Variants in FRMD3 observed in about 807,000 individuals in gnomAD.
The protein encoded by FRMD3 is FERM domain containing 3, also known as FERM domain-containing protein 3.
In FRMD3, 33 loss-of-function variants were observed where a neutral mutation model predicts 70.2. That is an observed-to-expected ratio of 0.47 (90% CI 0.36 to 0.63). The LOEUF (loss-of-function observed/expected upper bound fraction) is 0.63, where lower values mean the gene tolerates loss of function less well. Among genes scored for constraint, FRMD3 ranks in the 20% least tolerant of loss-of-function variants. FRMD3 has a pLI of 0.00. For missense variants in FRMD3, 632 were observed against 711.4 expected, an observed-to-expected ratio of 0.89 and a Z score of 1.27; for synonymous variants, 279 against 255.9, an observed-to-expected ratio of 1.09 and a Z score of -0.86.
intron 2 of FRMD3, among the ~76,000 whole-genome samples, chr9:83,383,214 C>A (rs1244656726): frequency 1.3e-5 from 2 of 152,220 alleles, no homozygotes; most frequent in African/African-American, 2.4e-5. Context: ...GCTGAGTGAT[C>A]CAGTCAACAC....
chr9:83,347,635 C>A (rs1824006249), intron 4 of FRMD3, among the ~76,000 whole-genome samples: 1 of 152,144 alleles, frequency 6.6e-6, no homozygotes, highest in African/African-American at 2.4e-5. Flanking sequence ...TTTAAATTTG[C>A]CTTTTTCTTA....
rs569434487 is a variant in FRMD3 at position 83,299,144 on chromosome 9, C to A, written c.969G>T (p.Lys323Asn). Residue 323 changes from lysine (K) to asparagine (N), a missense_variant, in exon 11 of 14, where the codon AAG becomes AAT. Lys to Asn is a moderately conservative substitution (Grantham distance 94, BLOSUM62 0). Coordinates refer to ENST00000304195, the MANE Select transcript of FRMD3 (RefSeq NM_174938.6). ...GAAATCTACTTCCTTTAAAAAATAT[C>A]TTGCTGCTTGATACAGTCTTGATCT... ...SSQIKTVSSS[K>N]IFFKGSRFRY... The A allele has an allele frequency of 6.2e-7, 1 of 1,612,994 alleles. No homozygotes were observed. The highest frequency in any genetic ancestry group is 1.3e-5 in the African/African-American group (1 of 75,024).
At chr9:83,473,797 G>A (rs1330735768) in intron 1 of FRMD3, among the ~76,000 whole-genome samples, 1 of 152,160 alleles carries the variant, frequency 6.6e-6, no homozygotes, top group African/African-American at 2.4e-5. Flanking sequence ...ATACCACAAG[G>A]AATGTACCTT....
chr9:83,368,163 A>G (rs1824849806), intron 3 of FRMD3, among the ~76,000 whole-genome samples: 1 of 152,192 alleles, frequency 6.6e-6, no homozygotes, highest in South Asian at 2.1e-4. Flanking sequence ...CAGTGATGTC[A>G]CCACAAAGGC....
chr9:83,243,646 C>T (rs1831953269), downstream of FRMD3, among the ~76,000 whole-genome samples: 2 of 152,134 alleles, frequency 1.3e-5, no homozygotes, highest in South Asian at 4.1e-4. Flanking sequence ...TTCCTCACAT[C>T]TGAATGCTAA....
the FRMD3 span, among the ~76,000 whole-genome samples, chr9:83,551,700 T>C: frequency 6.6e-6 from 1 of 152,176 alleles, no homozygotes; most frequent in Non-Finnish European, 1.5e-5. Flanking sequence ...GGCTCAGTCT[T>C]GGGAAAGTGT....
chr9:83,446,988 T>TGTTTTGTTTTGTTTTGTTTTGTTTTG (rs1554706660), intron 1 of FRMD3, among the ~76,000 whole-genome samples: 2 of 146,738 alleles, frequency 1.4e-5, no homozygotes, highest in African/African-American at 5.1e-5. Flanking sequence ...CAGATCAGGG[T>TGTTTTGTTTTGTTTTGTTTTGTTTTG]TTTTGTTTTG....
intron 6 of FRMD3, among the ~76,000 whole-genome samples, chr9:83,317,478 A>G (rs1835631316): frequency 6.6e-6 from 1 of 152,018 alleles, no homozygotes; most frequent in Admixed American, 6.6e-5. Flanking sequence ...ACCCACTAAT[A>G]AGTACTCCTC....
chr9:83,579,969 G>A, the FRMD3 span, among the ~76,000 whole-genome samples: 1 of 152,034 alleles, frequency 6.6e-6, no homozygotes. Flanking sequence ...AATAGGTAAA[G>A]AATCTGAATA....
At chr9:83,463,153 T>C (rs576794765) in intron 1 of FRMD3, among the ~76,000 whole-genome samples, 1 of 152,276 alleles carries the variant, frequency 6.6e-6, no homozygotes, top group African/African-American at 2.4e-5. Flanking sequence ...TCAGCAAGCA[T>C]TTTGTTCTGA....
intron 3 of FRMD3, among the ~76,000 whole-genome samples, chr9:83,363,752 C>T (rs1260314994): frequency 1.3e-5 from 2 of 152,078 alleles, no homozygotes; most frequent in Non-Finnish European, 2.9e-5. Flanking sequence ...GACGGGGTTT[C>T]ACCATGTTAG....
chr9:83,526,650 C>T (rs967154155), intron 1 of FRMD3, among the ~76,000 whole-genome samples: 34 of 152,190 alleles, frequency 2.2e-4, no homozygotes, highest in African/African-American at 7.7e-4. Flanking sequence ...ATTTCATCCT[C>T]GCATCACTAT....
At chr9:83,455,798 T>C (rs1035929488) in intron 1 of FRMD3, among the ~76,000 whole-genome samples, 1 of 152,126 alleles carries the variant, frequency 6.6e-6, no homozygotes, top group Non-Finnish European at 1.5e-5. Context: ...CCAACTGACA[T>C]ATAAAGGATA....
At chr9:83,357,774 T>C (rs940158304) in intron 3 of FRMD3, among the ~76,000 whole-genome samples, 5 of 152,178 alleles carry the variant, frequency 3.3e-5, no homozygotes, top group African/African-American at 1.2e-4. Context: ...TGGGATTGCT[T>C]GTTTTTTTCT....
chr9:83,267,977 AAACGAC>A (rs1449873070), intron 13 of FRMD3, among the ~76,000 whole-genome samples: 3 of 152,184 alleles, frequency 2.0e-5, no homozygotes, highest in African/African-American at 4.8e-5. Flanking sequence ...ACAGATAAGG[AAACGAC>A]AACTTAGAGA....
At chr9:83,390,764 T>A (rs538574776) in intron 1 of FRMD3, among the ~76,000 whole-genome samples, 4 of 152,208 alleles carry the variant, frequency 2.6e-5, no homozygotes, top group Admixed American at 1.3e-4. Flanking sequence ...GACAGACCCA[T>A]GAAATGTTTT....
chr9:83,383,102 G>C (rs1825406968), intron 2 of FRMD3, among the ~76,000 whole-genome samples: 1 of 152,158 alleles, frequency 6.6e-6, no homozygotes. Context: ...AGAGGGAGAG[G>C]ACCCCTGAGC....
chr9:83,372,425 A>G (rs1825005891), intron 3 of FRMD3, among the ~76,000 whole-genome samples: 1 of 152,138 alleles, frequency 6.6e-6, no homozygotes, highest in Admixed American at 6.6e-5. Context: ...AATTGCCTAG[A>G]AGAAAAAATT....
intron 13 of FRMD3, among the ~76,000 whole-genome samples, chr9:83,254,829 G>T (rs1209218479): frequency 6.6e-6 from 1 of 152,082 alleles, no homozygotes; most frequent in Non-Finnish European, 1.5e-5. Flanking sequence ...AGAACAGAGA[G>T]AAACTGAATA....
Sources: gnomAD v4.1 joint callset for allele counts (sites outside exome capture counted in the v4.1 genomes callset) on GRCh38, gnomAD v4.1.1 for gene constraint, MANE v1.5 for transcripts, NCBI Gene and HGNC (gene_info 2026-07-23, HGNC 2026-07-21) for gene names.